Variants in MATN3 observed in about 807,000 individuals in gnomAD.
MATN3 encodes the protein matrilin 3.
In MATN3, 48 loss-of-function variants were observed where a neutral mutation model predicts 45.3. The observed-to-expected ratio is 1.06, with a 90% CI of 0.84 to 1.35. The LOEUF (loss-of-function observed/expected upper bound fraction) is 1.35, where lower values mean the gene tolerates loss of function less well. Ranked by LOEUF, MATN3 falls within the 40% of genes most tolerant of loss-of-function variation. The probability of loss-of-function intolerance (pLI) is 0.00; values close to 1 mark genes in which losing one functional copy is unlikely to be tolerated. For synonymous variants in MATN3, 217 were observed against 245.9 expected (o/e 0.88, Z 1.10); for missense variants, 599 against 628.0 (o/e 0.95, Z 0.49).
Position 20,005,914 on chromosome 2 carries a change from G to C in MATN3, c.620C>G (p.Ala207Gly), listed in dbSNP as rs775138248. 3 of 1,612,858 alleles carry C rather than the reference G, an allele frequency of 1.9e-6. No individual in the cohort carries two copies. The highest frequency in any genetic ancestry group is 1.7e-5 in the Admixed American group (1 of 59,820). The change falls in exon 2 of 8, where the codon GCG becomes GGG. Residue 207 changes from alanine to glycine, a missense_variant. Transcript: ENST00000407540. ...GRPQDQVNEVAARAQASGIEL... is the reference protein window; with the variant it reads ...GRPQDQVNEVGARAQASGIEL... ...AATACCAGATGCTTGGGCCCGAGCCGCCACCTCATTCACCTGGTCCTGGGG... is the reference window on the plus strand; with the variant it reads ...AATACCAGATGCTTGGGCCCGAGCCCCCACCTCATTCACCTGGTCCTGGGG...
rs755394366 is a variant in MATN3, at chr2:20,003,306, ACAGT to A, written c.791-24_791-21del. On this transcript the variant is annotated intron_variant, in intron 2 of 7. Transcript: ENST00000407540. The stretch of plus-strand genomic sequence containing the variant: ...CCAGCGCTGTGAGAGGAAGTTTACA[ACAGT>A]CAGCACTGACACTTAGGAAACATCT... 2 of 1,591,188 alleles carry A rather than the reference ACAGT, an allele frequency of 1.3e-6. No homozygotes were observed. Among genetic ancestry groups the A allele is most frequent in the African/African-American group, 2.7e-5 (2 of 74,636 alleles).
In MATN3 at chr2:19,997,020, G is replaced by A. The variant is rs190490282; in HGVS notation, c.1294+114C>T. The A allele has an allele frequency of 1.3e-3, 1,499 of 1,126,526 alleles. 2 individuals are homozygous for A. The highest frequency in any genetic ancestry group is 1.8e-3 in the Non-Finnish European group (1,408 of 773,272). The allele number at this position is 1,126,526 out of a possible 1,614,324, so 69.8% of individuals were successfully genotyped here. A position where few individuals can be genotyped will look rare whatever the true frequency, so the allele number is the denominator to read the frequency against. On this transcript the variant is annotated intron_variant, in intron 6 of 7. Coordinates refer to ENST00000407540, the MANE Select transcript of MATN3 (RefSeq NM_002381.5). ...ATTCTGTAGACCAGTGGGAGCCACT[G>A]GAGAATTCTGACAGGGAGAAAGAAT...
At chr2:20,007,693 C>A (rs1176760497) in intron 1 of MATN3, among the ~76,000 whole-genome samples, 2 of 152,186 alleles carry the variant, frequency 1.3e-5, no homozygotes, top group African/African-American at 2.4e-5. Context: ...ATTCATTCAC[C>A]AAAAACATTT....
In MATN3 at chr2:19,997,210, C is replaced by A. The variant is rs766299841; in HGVS notation, c.1218G>T (p.Val406=). The change falls in exon 6 of 8, where the codon GTG becomes GTT. Residue 406 remains valine (V), a synonymous_variant. Transcript: ENST00000407540. ...LGSHGCQHIC[V]SDGAASYHCD... Reference sequence around the variant, plus strand: ...AGTGGTAGGATGCGGCCCCATCACTCACACAAATGTGCTGGCAACCATGAG... The same window carrying A: ...AGTGGTAGGATGCGGCCCCATCACTAACACAAATGTGCTGGCAACCATGAG... 46 of 1,613,666 alleles carry A rather than the reference C, an allele frequency of 2.9e-5. No homozygotes were observed. Among genetic ancestry groups the A allele is most frequent in the Admixed American group, 5.0e-5 (3 of 59,984 alleles).
intron 1 of MATN3, among the ~76,000 whole-genome samples, chr2:20,008,483 C>T (rs1389680507): frequency 6.6e-6 from 1 of 152,132 alleles, no homozygotes. Flanking sequence ...AAAATTAAAG[C>T]CTTACCTGGA....
At chr2:20,001,600 T>C (rs545519795) in intron 4 of MATN3, among the ~76,000 whole-genome samples, 1 of 152,284 alleles carries the variant, frequency 6.6e-6, no homozygotes, top group South Asian at 2.1e-4. Flanking sequence ...ATCACTTAGT[T>C]AAGGTGATGT....
At chr2:20,002,199 A>C in intron 3 of MATN3, 119 bp from the exon 4 acceptor site, 2 of 509,444 alleles carry the variant, frequency 3.9e-6, no homozygotes, top group Non-Finnish European at 5.7e-6. Context: ...CACAGAGCTA[A>C]TGAAACAAGG....
intron 1 of MATN3, among the ~76,000 whole-genome samples, chr2:20,007,536 A>G (rs1309129945): frequency 1.3e-5 from 2 of 152,228 alleles, no homozygotes; most frequent in Non-Finnish European, 2.9e-5. Flanking sequence ...TCTCAAAAAA[A>G]AAGTAGAATG....
chr2:19,997,172 G>A lies in MATN3; in HGVS notation c.1256C>T (p.Pro419Leu). ...GAASYHCDCY[P>L]GYTLNEDKKT... is the part of the protein sequence containing the mutation. ...CTTGTCCTCATTTAAGGTGTAGCCA[G>A]GATAGCAATCACAGTGGTAGGATGC... The change falls in exon 6 of 8, where the codon CCT (proline) becomes CTT (leucine). Residue 419 changes from proline to leucine, a missense_variant. Pro to Leu is a moderately conservative substitution (Grantham distance 98). Transcript: ENST00000407540. The A allele has an allele frequency of 6.2e-7, 1 of 1,613,866 alleles. No homozygotes were observed. The highest frequency in any genetic ancestry group is 8.5e-7 in the Non-Finnish European group (1 of 1,179,798).
intron 4 of MATN3, among the ~76,000 whole-genome samples, chr2:20,001,505 G>A (rs1219849235): frequency 6.6e-6 from 1 of 152,168 alleles, no homozygotes; most frequent in Non-Finnish European, 1.5e-5. Flanking sequence ...TACTACAGGT[G>A]TGCTGTTGTG....
rs1382274460 is a variant in MATN3 at position 19,992,274 on chromosome 2, C to G, written c.*837G>C. On this transcript the variant is annotated 3_prime_UTR_variant, in exon 8 of 8. Transcript: ENST00000407540. Reference sequence around the variant, plus strand: ...TATAAGTAAAAAAAAGTTAGACTTTCAAGCCTGTAATCCCAGCACTTTGGG... The same window carrying G: ...TATAAGTAAAAAAAAGTTAGACTTTGAAGCCTGTAATCCCAGCACTTTGGG... 6.6e-6 allele frequency: 1 copy of G among 152,106 alleles called. No homozygotes were observed. Among genetic ancestry groups the G allele is most frequent in the Non-Finnish European group, 1.5e-5 (1 of 67,980 alleles). The allele number at this position is 152,106 out of a possible 1,614,324, so 9.4% of individuals were successfully genotyped here.
intron 3 of MATN3, 77 bp from the exon 4 acceptor site, chr2:20,002,157 G>T: frequency 4.2e-6 from 3 of 713,768 alleles, no homozygotes; most frequent in Non-Finnish European, 6.2e-6. Context: ...GCCACTTACA[G>T]TTATACACAC....
Position 19,998,194 on chromosome 2 carries a change from G to A in MATN3, c.1169-935C>T, listed in dbSNP as rs145890951. Among the ~76,000 whole-genome samples the A allele has an allele frequency of 6.5e-4, 99 of 152,188 alleles. No homozygotes were observed. In the East Asian group the frequency reaches 0.019, roughly 28 times the overall value. ...TAAAGTGCCTTTCCAACCTTAATATGGCTATTCCCTTTCAGTGCTACAATT... is the reference window on the plus strand; with the variant it reads ...TAAAGTGCCTTTCCAACCTTAATATAGCTATTCCCTTTCAGTGCTACAATT... On this transcript the variant is annotated intron_variant, in intron 5 of 7. Coordinates refer to ENST00000407540, the MANE Select transcript of MATN3 (RefSeq NM_002381.5).
chr2:19,997,751 G>T (rs1035771662), intron 5 of MATN3: 1 of 150,098 alleles, frequency 6.7e-6, no homozygotes, highest in Non-Finnish European at 1.5e-5. Context: ...TAACAGAAAA[G>T]ACTGACCAGG....
In MATN3 at chr2:19,995,313, C is replaced by T. The variant is rs901247887; in HGVS notation, c.1295-904G>A. On this transcript the variant is annotated intron_variant, in intron 6 of 7. Transcript: ENST00000407540. The surrounding 1 kb of genome is among the most constrained non-coding windows in gnomAD (Gnocchi z 4.2). ...AATAAAGACACAAAAATTAGCTGGG[C>T]GTGGTGGCCCATGCCTGTAATCCCA... 3.4e-4 allele frequency among the ~76,000 whole-genome samples: 51 copies of T among 151,850 alleles called. No individual in the cohort carries two copies. Among genetic ancestry groups the T allele is most frequent in the African/African-American group, 1.2e-3 (51 of 41,322 alleles).
chr2:19,999,626 T>TTA (rs1672945824), intron 5 of MATN3, among the ~76,000 whole-genome samples: 2 of 120,194 alleles, frequency 1.7e-5, no homozygotes, highest in Non-Finnish European at 3.4e-5. Context: ...GGTTTCCCTT[T>TTA]AAAAAAAAAA....
intron 3 of MATN3, 31 bp from the exon 4 acceptor site, chr2:20,002,111 T>C (rs1482113708): frequency 6.2e-7 from 1 of 1,601,186 alleles, no homozygotes; most frequent in East Asian, 2.2e-5. Flanking sequence ...CAAATGTAAA[T>C]GCATGCAGAG....
At position 19,993,056 on chromosome 2, in the gene MATN3, A is replaced by C; in HGVS notation, c.*55T>G. 7.2e-7 allele frequency: 1 copy of C among 1,386,228 alleles called. No homozygotes were observed. The highest frequency in any genetic ancestry group is 1.0e-6 in the Non-Finnish European group (1 of 974,078). The allele number at this position is 1,386,228 out of a possible 1,614,324, so 85.9% of individuals were successfully genotyped here. On this transcript the variant is annotated 3_prime_UTR_variant, in exon 8 of 8. Coordinates refer to ENST00000407540, the MANE Select transcript of MATN3 (RefSeq NM_002381.5). ...CAATAACAGGTGTGCAAAAGAATGC[A>C]TGAGTATTAAGTACACCAAGCTGTC...
At chr2:20,003,643 G>A (rs759866933) in intron 2 of MATN3, among the ~76,000 whole-genome samples, 2 of 152,182 alleles carry the variant, frequency 1.3e-5, no homozygotes, top group Non-Finnish European at 2.9e-5. Flanking sequence ...CACAAGAAAT[G>A]GGAGAACAAT....
Sources: gnomAD v4.1 joint callset for allele counts (sites outside exome capture counted in the v4.1 genomes callset) on GRCh38, gnomAD v4.1.1 for gene constraint, Gnocchi (gnomAD v3.1) non-coding constraint, MANE v1.5 for transcripts, NCBI Gene and HGNC (gene_info 2026-07-23, HGNC 2026-07-21) for gene names.